R3HDM2: variants seen among roughly 807,000 people sequenced by gnomAD.
The protein encoded by R3HDM2 is R3H domain containing 2.
A neutral mutation model predicts 124.5 loss-of-function variants in R3HDM2; 38 were observed. The observed-to-expected ratio is 0.31, with a 90% CI of 0.24 to 0.40. The LOEUF is 0.40. R3HDM2 is among the 10% of genes least tolerant of loss of function. The pLI is 1.00. For missense variants in R3HDM2, 869 were observed against 1,236.9 expected (o/e 0.70, Z 4.46); for synonymous variants, 391 against 448.0 (o/e 0.87, Z 1.61).
intron 13 of R3HDM2, 104 bp downstream of exon 13, chr12:57,283,720 C>A (rs949958673): frequency 1.2e-5 from 14 of 1,157,392 alleles, no homozygotes; most frequent in East Asian, 9.4e-5. Flanking sequence ...GCCTGGGCAA[C>A]AGAGGAGACT....
intron 1 of R3HDM2, chr12:57,430,421 C>T: frequency 1.4e-6 from 1 of 693,466 alleles, no homozygotes; most frequent in Non-Finnish European, 1.8e-6. Flanking sequence ...CTAGCCACCC[C>T]GAAGCACTGG....
intron 2 of R3HDM2, among the ~76,000 whole-genome samples, chr12:57,324,040 G>GA (rs149356630): frequency 4.6e-4 from 68 of 149,328 alleles, no homozygotes; most frequent in Admixed American, 2.7e-3. Context: ...TCTGGAAAAG[G>GA]AAAAAAAAAA....
intron 6 of R3HDM2, 50 bp from the exon 7 acceptor site, chr12:57,298,218 T>G: frequency 1.5e-6 from 2 of 1,366,594 alleles, no homozygotes. Context: ...CTGCTTTGCA[T>G]GCTATCTAAT....
chr12:57,430,774 C>G lies in R3HDM2; in HGVS notation c.-160G>C, dbSNP rs1869713610. 1 of 165,014 alleles carries G rather than the reference C, an allele frequency of 6.1e-6. No homozygotes were observed. The highest frequency in any genetic ancestry group is 2.4e-5 in the African/African-American group (1 of 41,254). 10.2% of individuals were successfully genotyped at this position (165,014 alleles called of 1,614,324 possible). On this transcript the variant is annotated 5_prime_UTR_variant, in exon 1 of 24. Transcript: ENST00000402412. The stretch of plus-strand genomic sequence containing the variant: ...CACGTCTCCGCCCGCCGCCCGGGCC[C>G]ACGGCCGCTCGGCTGCGGCTCGGCC...
chr12:57,408,095 A>G (rs529848366), intron 1 of R3HDM2, among the ~76,000 whole-genome samples: 1 of 152,268 alleles, frequency 6.6e-6, no homozygotes, highest in African/African-American at 2.4e-5. Context: ...ACGCCCAGCT[A>G]GTTTTTATTA....
At chr12:57,339,413 A>G (rs543543538) in intron 2 of R3HDM2, among the ~76,000 whole-genome samples, 2 of 152,182 alleles carry the variant, frequency 1.3e-5, no homozygotes, top group East Asian at 3.9e-4. Context: ...TTCTAAAGAG[A>G]AGCTCTTGGC....
chr12:57,320,510 T>G (rs1189180447), intron 2 of R3HDM2, among the ~76,000 whole-genome samples: 3 of 152,010 alleles, frequency 2.0e-5, no homozygotes, highest in Admixed American at 6.6e-5. Flanking sequence ...TTGTGTACAG[T>G]GTACATTTCA....
In R3HDM2 at chr12:57,257,986, C is replaced by G; in HGVS notation, c.2449+4G>C. ...TAGCAGCCAGCACTAATCTAACCCCCTACCCTGTGCTGGACCCCCAGGCCG... is the reference window on the plus strand; with the variant it reads ...TAGCAGCCAGCACTAATCTAACCCCGTACCCTGTGCTGGACCCCCAGGCCG... On this transcript the variant is annotated splice_donor_region_variant and intron_variant, in intron 21 of 23. Transcript: ENST00000402412. The G allele has an allele frequency of 6.5e-7, 1 of 1,534,854 alleles. No individual in the cohort carries two copies. Among genetic ancestry groups the G allele is most frequent in the Non-Finnish European group, 8.8e-7 (1 of 1,130,830 alleles).
intron 2 of R3HDM2, among the ~76,000 whole-genome samples, chr12:57,338,029 T>G (rs2059088349): frequency 6.6e-6 from 1 of 152,178 alleles, no homozygotes; most frequent in South Asian, 2.1e-4. Flanking sequence ...CATGGCCGGG[T>G]GCAGTGGCTC....
chr12:57,357,332 C>T (rs1410909863), intron 2 of R3HDM2, among the ~76,000 whole-genome samples: 3 of 151,090 alleles, frequency 2.0e-5, no homozygotes, highest in African/African-American at 4.9e-5. Flanking sequence ...CGTGGTGGCA[C>T]ATGCCTGTAG....
At chr12:57,361,797 A>G (rs1428031896) in intron 2 of R3HDM2, among the ~76,000 whole-genome samples, 2 of 152,238 alleles carry the variant, frequency 1.3e-5, no homozygotes, top group East Asian at 1.9e-4. Flanking sequence ...AAAGCTAGAG[A>G]ATTTAATGCC....
intron 2 of R3HDM2, among the ~76,000 whole-genome samples, chr12:57,368,535 T>C (rs184150039): frequency 1.7e-4 from 26 of 152,322 alleles, no homozygotes; most frequent in African/African-American, 6.3e-4. Context: ...CAGGAAGGGC[T>C]GGAGACTGAG....
chr12:57,424,789 C>G (rs527844698), intron 1 of R3HDM2, among the ~76,000 whole-genome samples: 1 of 152,104 alleles, frequency 6.6e-6, no homozygotes, highest in Admixed American at 6.6e-5. Flanking sequence ...ACTGCAGCTG[C>G]AAACTTCTGG....
intron 2 of R3HDM2, among the ~76,000 whole-genome samples, chr12:57,374,995 C>CAAAA (rs1313759357): frequency 2.2e-5 from 3 of 134,414 alleles, no homozygotes; most frequent in African/African-American, 8.3e-5. Context: ...GACTCCATCT[C>CAAAA]AAAAAAAAAA....
chr12:57,276,874 G>A (rs1171234217), intron 14 of R3HDM2, among the ~76,000 whole-genome samples: 2 of 151,646 alleles, frequency 1.3e-5, no homozygotes, highest in Admixed American at 6.6e-5. Flanking sequence ...GTGACAGAGC[G>A]AGACTCCATC....
At chr12:57,423,724 T>C (rs1359927742) in intron 1 of R3HDM2, among the ~76,000 whole-genome samples, 6 of 143,988 alleles carry the variant, frequency 4.2e-5, no homozygotes, top group African/African-American at 7.8e-5. Context: ...AGGCGATTGC[T>C]TGAACCCAGG....
At chr12:57,355,718 T>C (rs933348055) in intron 2 of R3HDM2, among the ~76,000 whole-genome samples, 1 of 152,196 alleles carries the variant, frequency 6.6e-6, no homozygotes, top group Non-Finnish European at 1.5e-5. Flanking sequence ...TGGAATTGTA[T>C]TGAATCTATG....
intron 2 of R3HDM2, among the ~76,000 whole-genome samples, chr12:57,317,670 A>G (rs1368553205): frequency 3.0e-5 from 1 of 33,380 alleles, no homozygotes; most frequent in Non-Finnish European, 6.3e-5. Context: ...AAGATAGTTA[A>G]AAAAAAAAAA....
chr12:57,385,184 T>G (rs1374935414), intron 2 of R3HDM2, among the ~76,000 whole-genome samples: 1 of 150,842 alleles, frequency 6.6e-6, no homozygotes, highest in Non-Finnish European at 1.5e-5. Flanking sequence ...AGAAAAGTAC[T>G]CTGGCTGTAG....
Sources: gnomAD v4.1 joint callset for allele counts (sites outside exome capture counted in the v4.1 genomes callset) on GRCh38, gnomAD v4.1.1 for gene constraint, MANE v1.5 for transcripts, NCBI Gene and HGNC (gene_info 2026-07-23, HGNC 2026-07-21) for gene names.